GPN3: variants seen among roughly 807,000 people sequenced by gnomAD.
The protein encoded by GPN3 is ATP-binding domain 1 family member C.
In GPN3, 31 loss-of-function variants were observed where a neutral mutation model predicts 38.7. The ratio of observed to expected loss-of-function variants is 0.80; its 90% CI spans 0.60 to 1.08. The LOEUF (loss-of-function observed/expected upper bound fraction) is 1.08, where lower values mean the gene tolerates loss of function less well. GPN3 is among the 50% of genes least tolerant of loss of function. The pLI, the probability that GPN3 is intolerant of heterozygous loss-of-function variation, is 0.00. For synonymous variants in GPN3, 116 were observed against 120.2 expected, an observed-to-expected ratio of 0.96 and a Z score of 0.23; for missense variants, 301 against 354.4, an observed-to-expected ratio of 0.85 and a Z score of 1.21.
chr12:110,465,255 G>GCACTACACTACC, intron 1 of GPN3, 41 bp from the exon 2 acceptor site: 12 of 1,086,396 alleles, frequency 1.1e-5, no homozygotes, highest in Non-Finnish European at 1.7e-5. Flanking sequence ...GCAACAGGTA[G>GCACTACACTACC]TGTAGTGCTA....
At chr12:110,455,782 G>C in intron 5 of GPN3, 33 bp downstream of exon 5, 1 of 1,189,590 alleles carries the variant, frequency 8.4e-7, no homozygotes, top group South Asian at 1.2e-5. Flanking sequence ...CTGCAACTGA[G>C]ATCTGATAAT....
chr12:110,466,606 C>CA (rs2062629527), intron 1 of GPN3, among the ~76,000 whole-genome samples: 1 of 152,056 alleles, frequency 6.6e-6, no homozygotes, highest in Non-Finnish European at 1.5e-5. Flanking sequence ...AGCGATTCTC[C>CA]AGCCTTAGCC....
At chr12:110,463,606 C>CA (rs60072879) in intron 2 of GPN3, among the ~76,000 whole-genome samples, 1,142 of 64,278 alleles carry the variant, frequency 0.018, 73 homozygotes, top group African/African-American at 0.032. Context: ...CCTGTCTCTA[C>CA]AAAAAAAAAA....
chr12:110,461,815 A>C (rs994628881), intron 2 of GPN3, among the ~76,000 whole-genome samples: 1 of 152,150 alleles, frequency 6.6e-6, no homozygotes, highest in African/African-American at 2.4e-5. Flanking sequence ...TCAATAACAG[A>C]TAACTGATCC....
At chr12:110,460,520 A>G (rs1032087199) in intron 2 of GPN3, among the ~76,000 whole-genome samples, 28 of 152,166 alleles carry the variant, frequency 1.8e-4, no homozygotes, top group African/African-American at 6.5e-4. Context: ...GAAGGATGAG[A>G]ACTATGAGAT....
chr12:110,454,028 G>A (rs2062532688), intron 6 of GPN3, among the ~76,000 whole-genome samples, 157 bp from the exon 7 acceptor site: 1 of 152,170 alleles, frequency 6.6e-6, no homozygotes. Context: ...GACACAGAGA[G>A]TAAATCATTG....
intron 2 of GPN3, chr12:110,461,012 G>A (rs2062584085): frequency 9.5e-6 from 15 of 1,572,262 alleles, no homozygotes; most frequent in South Asian, 5.5e-5. Flanking sequence ...GAAGGGTGGC[G>A]AGAAGAAAAA....
rs60072879 is a variant in GPN3 at position 110,463,606 on chromosome 12, C to CAAAAA, written c.157+1495_157+1499dup. ...GCAGCATGGTGAAACCCTGTCTCTA[C>CAAAAA]AAAAAAAAAAAAAAAAAAAAAAAAA... On this transcript the variant is annotated intron_variant, in intron 2 of 7. Transcript: ENST00000228827. Among the ~76,000 whole-genome samples, 35 of 64,286 alleles carry CAAAAA rather than the reference C, an allele frequency of 5.4e-4. 1 individual carries two copies. Among genetic ancestry groups the CAAAAA allele is most frequent in the East Asian group, 2.4e-3 (5 of 2,118 alleles). The allele number at this position is 64,286 out of a possible 152,430, so 42.2% of individuals were successfully genotyped here.
chr12:110,468,440 C>T (rs1489578759), upstream of GPN3: 3 of 1,535,036 alleles, frequency 2.0e-6, no homozygotes, highest in East Asian at 4.9e-5. Context: ...TGATGGAAAT[C>T]GGCCGTTGGG....
intron 4 of GPN3, among the ~76,000 whole-genome samples, chr12:110,456,612 A>G (rs1317690209): frequency 6.6e-6 from 1 of 152,054 alleles, no homozygotes; most frequent in Non-Finnish European, 1.5e-5. Context: ...AAACTGGACA[A>G]AAGGTCCTCA....
chr12:110,461,577 G>A (rs140219417), intron 2 of GPN3, among the ~76,000 whole-genome samples: 53 of 152,112 alleles, frequency 3.5e-4, no homozygotes, highest in Non-Finnish European at 6.6e-4. Flanking sequence ...TCCAGCCTGG[G>A]TGGCAGAGAG....
rs2062521607 is a variant in GPN3, at chr12:110,452,842, A to C, written c.*192T>G. The C allele has an allele frequency of 1.6e-5, 9 of 554,858 alleles. No individual in the cohort carries two copies. The highest frequency in any genetic ancestry group is 4.8e-4 in the Middle Eastern group (1 of 2,062). 34.4% of individuals were successfully genotyped at this position (554,858 alleles called of 1,614,324 possible). Reference sequence around the variant, plus strand: ...TCTAAAGTGATGCTGTTATAATACTAAAAGATTCCACTTTAAACAGCAGCA... The same window carrying C: ...TCTAAAGTGATGCTGTTATAATACTCAAAGATTCCACTTTAAACAGCAGCA... On this transcript the variant is annotated 3_prime_UTR_variant, in exon 8 of 8. Coordinates refer to ENST00000228827, the MANE Select transcript of GPN3 (RefSeq NM_016301.4).
intron 1 of GPN3, 166 bp downstream of exon 1, chr12:110,467,990 C>A: frequency 1.0e-6 from 1 of 974,150 alleles, no homozygotes; most frequent in Non-Finnish European, 1.6e-6. Context: ...CATTATTTCC[C>A]TTTCAAAACA....
chr12:110,457,612 G>A lies in GPN3; in HGVS notation c.348C>T (p.His116=). 2 of 1,604,098 alleles carry A rather than the reference G, an allele frequency of 1.2e-6. No homozygotes were observed. The highest frequency in any genetic ancestry group is 1.7e-6 in the Non-Finnish European group (2 of 1,173,404). ...DCPGQIELYT[H]LPVMKQLVQQ... Reference sequence around the variant, plus strand: ...GGACCAGCTGTTTCATCACAGGCAGGTGAGTGTACAACTCAATCTGACCTA... The same window carrying A: ...GGACCAGCTGTTTCATCACAGGCAGATGAGTGTACAACTCAATCTGACCTA... Residue 116 remains histidine, a synonymous_variant, in exon 4 of 8, where the codon CAC becomes CAT. Coordinates refer to ENST00000228827, the MANE Select transcript of GPN3 (RefSeq NM_016301.4).
chr12:110,468,277 T>G (rs1307731251), upstream of GPN3: 1 of 1,599,244 alleles, frequency 6.3e-7, no homozygotes, highest in Non-Finnish European at 8.5e-7. Flanking sequence ...GAAAGTGAAG[T>G]GCGAACCAAT....
chr12:110,462,265 C>T (rs957410897), intron 2 of GPN3, among the ~76,000 whole-genome samples: 9 of 152,164 alleles, frequency 5.9e-5, no homozygotes, highest in Non-Finnish European at 1.2e-4. Flanking sequence ...CCTCTCCCTT[C>T]AATCTGCCTC....
At chr12:110,459,961 C>T in intron 2 of GPN3, 99 bp from the exon 3 acceptor site, 4 of 946,726 alleles carry the variant, frequency 4.2e-6, no homozygotes, top group Non-Finnish European at 6.5e-6. Context: ...CATAAAAAAC[C>T]CATATGCAGG....
rs765420479 is a variant in GPN3, at chr12:110,465,230, G to A, written c.49-16C>T. On this transcript the variant is annotated splice_polypyrimidine_tract_variant and intron_variant, in intron 1 of 7. Coordinates refer to ENST00000228827, the MANE Select transcript of GPN3 (RefSeq NM_016301.4). ...AGTAGGTGCTCTGTAATGTCACAAG[G>A]CATGAGAGGTTAAAGCAACAGGTAG... The A allele has an allele frequency of 1.4e-6, 2 of 1,425,948 alleles. No homozygotes were observed. The highest frequency in any genetic ancestry group is 9.9e-7 in the Non-Finnish European group (1 of 1,007,804). The allele number at this position is 1,425,948 out of a possible 1,614,324, so 88.3% of individuals were successfully genotyped here. A position where few individuals can be genotyped will look rare whatever the true frequency, so the allele number is the denominator to read the frequency against.
chr12:110,464,611 G>A (rs75887101), intron 2 of GPN3, among the ~76,000 whole-genome samples: 2 of 73,108 alleles, frequency 2.7e-5, no homozygotes, highest in African/African-American at 1.1e-4. Context: ...TTTTTTTTTT[G>A]AGATGGAGTC....
Sources: allele counts gnomAD v4.1 joint callset (sites outside exome capture counted in the v4.1 genomes callset), GRCh38; gene constraint gnomAD v4.1.1; transcripts MANE v1.5; gene names NCBI Gene and HGNC (gene_info 2026-07-23, HGNC 2026-07-21).